The following PDE1C variants were observed in gnomAD, a reference collection of about 807,000 sequenced individuals.
The protein encoded by PDE1C is dual specificity calcium/calmodulin-dependent 3',5'-cyclic nucleotide phosphodiesterase 1C.
PDE1C carries 62 observed loss-of-function variants against 93.1 expected under a neutral mutation model. The observed-to-expected ratio is 0.67, with a 90% CI of 0.54 to 0.82. PDE1C has a LOEUF of 0.82. PDE1C is among the 40% of genes least tolerant of loss of function. The pLI is 0.00. For synonymous variants in PDE1C, 325 were observed against 310.1 expected (o/e 1.05, Z -0.50); for missense variants, 742 against 884.6 (o/e 0.84, Z 2.04).
intron 1 of PDE1C, among the ~76,000 whole-genome samples, chr7:32,379,281 A>G (rs922602452): frequency 1.2e-4 from 19 of 152,246 alleles, no homozygotes; most frequent in Admixed American, 1.2e-3. Flanking sequence ...CAATGCCACA[A>G]GTTATCCCAG....
chr7:32,220,553 C>A (rs11771370), intron 1 of PDE1C, among the ~76,000 whole-genome samples: 2 of 152,088 alleles, frequency 1.3e-5, no homozygotes, highest in South Asian at 4.2e-4. Flanking sequence ...TGGTGGCTCA[C>A]GCCTGTGATC....
chr7:31,794,415 T>C (rs1562809014), intron 16 of PDE1C, among the ~76,000 whole-genome samples: 1 of 151,910 alleles, frequency 6.6e-6, no homozygotes, highest in Non-Finnish European at 1.5e-5. Context: ...CCACTGAAAA[T>C]AACAATGATG....
At chr7:31,911,444 G>A (rs1213173825) in intron 2 of PDE1C, among the ~76,000 whole-genome samples, 1 of 151,994 alleles carries the variant, frequency 6.6e-6, no homozygotes, top group African/African-American at 2.4e-5. Context: ...TTTCCTACAC[G>A]GCCCCTCCTC....
intron 1 of PDE1C, among the ~76,000 whole-genome samples, chr7:32,274,814 T>C (rs1172522384): frequency 1.3e-5 from 2 of 152,180 alleles, no homozygotes; most frequent in Non-Finnish European, 2.9e-5. Flanking sequence ...ATCAGAAAAA[T>C]AGCTCATCCT....
intron 1 of PDE1C, among the ~76,000 whole-genome samples, chr7:32,253,707 G>T (rs1809562050): frequency 6.6e-6 from 1 of 152,196 alleles, no homozygotes; most frequent in Admixed American, 6.5e-5. Flanking sequence ...AGATATGGAG[G>T]TTACAGACAT....
chr7:32,051,529 T>C (rs1180950312), intron 2 of PDE1C, 25 bp downstream of exon 2: 1 of 1,612,064 alleles, frequency 6.2e-7, no homozygotes, highest in Non-Finnish European at 8.5e-7. Flanking sequence ...AATCAACCAG[T>C]TGCAGCTCAG....
intron 2 of PDE1C, among the ~76,000 whole-genome samples, chr7:32,194,330 C>T (rs1804460152): frequency 6.6e-6 from 1 of 152,106 alleles, no homozygotes; most frequent in Admixed American, 6.5e-5. Context: ...GTGATATCCC[C>T]TGTTTTATTC....
intron 3 of PDE1C, among the ~76,000 whole-genome samples, chr7:32,155,404 A>G (rs1274698823): frequency 6.6e-6 from 1 of 152,236 alleles, no homozygotes; most frequent in Non-Finnish European, 1.5e-5. Flanking sequence ...CACAATCTCT[A>G]GTCAGGTTAG....
In PDE1C at chr7:31,816,033, C is replaced by A; in HGVS notation, c.1704G>T (p.Thr568=). The A allele has an allele frequency of 6.2e-7, 1 of 1,614,008 alleles. No homozygotes were observed. Among genetic ancestry groups the A allele is most frequent in the Non-Finnish European group, 8.5e-7 (1 of 1,179,932 alleles). The change falls in exon 15 of 18, where the codon ACG becomes ACT. Residue 568 remains threonine, a synonymous_variant. Transcript: ENST00000396191. The stretch of plus-strand genomic sequence containing the variant: ...TGACTTGATTCTTAGTTTCTCCAGA[C>A]GTCTTTTTCTCAGCTTTGCCAGATG... ...EGASGKAEKK[T]SGETKNQVNG... is the part of the protein sequence containing the mutation.
rs115314440 is a variant in PDE1C, at chr7:31,928,557, G to C, written c.129-47697C>G. ...AGAAAGGTCAGGTTACTTACAAAGGGATGCCCATCTAACTAACAGTGGATC... is the reference window on the plus strand; with the variant it reads ...AGAAAGGTCAGGTTACTTACAAAGGCATGCCCATCTAACTAACAGTGGATC... On this transcript the variant is annotated intron_variant, in intron 2 of 17. Coordinates refer to ENST00000396191, the MANE Select transcript of PDE1C (RefSeq NM_001191057.4). Among the ~76,000 whole-genome samples, 819 of 152,286 alleles carry C rather than the reference G, an allele frequency of 5.4e-3. 9 individuals are homozygous for C. Among genetic ancestry groups the C allele is most frequent in the African/African-American group, 0.018 (760 of 41,566 alleles).
At chr7:32,358,895 GTC>G (rs1383140916) in intron 1 of PDE1C, among the ~76,000 whole-genome samples, 7 of 150,514 alleles carry the variant, frequency 4.7e-5, no homozygotes, top group African/African-American at 1.7e-4. Context: ...GTGTGTGTGT[GTC>G]TGTGTGTGTG....
chr7:32,218,623 A>G (rs1448872122), intron 1 of PDE1C, among the ~76,000 whole-genome samples: 3 of 152,104 alleles, frequency 2.0e-5, no homozygotes, highest in African/African-American at 7.2e-5. Context: ...CAAGCAATCT[A>G]TTTCTTCCCT....
At chr7:32,279,316 G>A (rs1182099260) in intron 1 of PDE1C, among the ~76,000 whole-genome samples, 2 of 152,146 alleles carry the variant, frequency 1.3e-5, no homozygotes, top group Non-Finnish European at 2.9e-5. Context: ...AGAAAATATA[G>A]CCCAGGGAGG....
chr7:32,410,087 T>C (rs1002967824), intron 1 of PDE1C, among the ~76,000 whole-genome samples: 1 of 152,122 alleles, frequency 6.6e-6, no homozygotes, highest in African/African-American at 2.4e-5. Context: ...TCTGGAAAAC[T>C]CATGCTAATG....
the PDE1C span, among the ~76,000 whole-genome samples, chr7:31,665,228 T>C: frequency 4.6e-5 from 7 of 152,232 alleles, no homozygotes; most frequent in Non-Finnish European, 1.0e-4. Flanking sequence ...TGGTATCTTC[T>C]CATTCAGATC....
At chr7:32,251,442 C>A (rs943212115) in intron 1 of PDE1C, among the ~76,000 whole-genome samples, 2 of 152,200 alleles carry the variant, frequency 1.3e-5, no homozygotes, top group African/African-American at 2.4e-5. Flanking sequence ...TTTTCCCTCG[C>A]CTTCCAAATC....
intron 3 of PDE1C, among the ~76,000 whole-genome samples, chr7:32,117,033 C>T (rs563435912): frequency 6.6e-6 from 1 of 152,186 alleles, no homozygotes; most frequent in Non-Finnish European, 1.5e-5. Context: ...TGAAAAATCT[C>T]TACCTCTTGG....
Position 31,975,008 on chromosome 7 carries a change from C to T in PDE1C, c.128+76546G>A, listed in dbSNP as rs190640362. On this transcript the variant is annotated intron_variant, in intron 2 of 17. Coordinates refer to ENST00000396191, the MANE Select transcript of PDE1C (RefSeq NM_001191057.4). ...AAAATCCTTTATGATACAGCCCTTG[C>T]TTAACTCACTTCTTGTCTTTTTTTG... Among the ~76,000 whole-genome samples, 51 of 152,324 alleles carry T rather than the reference C, an allele frequency of 3.3e-4. 1 individual carries two copies. The highest frequency in any genetic ancestry group is 6.8e-3 in the Middle Eastern group (2 of 294).
chr7:31,640,891 G>GC, the PDE1C span, among the ~76,000 whole-genome samples: 1 of 152,172 alleles, frequency 6.6e-6, no homozygotes, highest in Non-Finnish European at 1.5e-5. Flanking sequence ...TAAAATGTAT[G>GC]CCCTCTGATT....
Sources: gnomAD v4.1 joint callset for allele counts (sites outside exome capture counted in the v4.1 genomes callset) on GRCh38, gnomAD v4.1.1 for gene constraint, MANE v1.5 for transcripts, NCBI Gene and HGNC (gene_info 2026-07-23, HGNC 2026-07-21) for gene names.